GGNBP2: variants seen among roughly 807,000 people sequenced by gnomAD.
GGNBP2 encodes gametogenetin binding protein 2.
A neutral mutation model predicts 85.9 loss-of-function variants in GGNBP2; 10 were observed. That is an observed-to-expected ratio of 0.12 (90% CI 0.07 to 0.20). The LOEUF is 0.20. GGNBP2 is among the 10% of genes least tolerant of loss of function. GGNBP2 has a pLI of 1.00. For synonymous variants in GGNBP2, 287 were observed against 285.7 expected (o/e 1.00, Z -0.05); for missense variants, 595 against 857.8 (o/e 0.69, Z 3.83).
chr17:36,557,537 A>G (rs1032564118), intron 4 of GGNBP2, among the ~76,000 whole-genome samples: 3 of 152,150 alleles, frequency 2.0e-5, no homozygotes, highest in Non-Finnish European at 2.9e-5. Context: ...TTTGTCAGGG[A>G]TGATAAGTTA....
intron 6 of GGNBP2, among the ~76,000 whole-genome samples, chr17:36,568,878 C>T (rs1217828822): frequency 6.6e-6 from 1 of 151,978 alleles, no homozygotes; most frequent in Non-Finnish European, 1.5e-5. Flanking sequence ...GCCTCACCCT[C>T]CCAAGTAGCT....
chr17:36,577,092 CAAAG>C (rs2074598935), intron 6 of GGNBP2: 1 of 152,144 alleles, frequency 6.6e-6, no homozygotes, highest in African/African-American at 2.4e-5. Flanking sequence ...GAATTTAAAT[CAAAG>C]AGATCAAAAT....
chr17:36,585,334 C>T lies in GGNBP2; in HGVS notation c.1250C>T (p.Ala417Val). Residue 417 changes from alanine (A) to valine (V), a missense_variant, in exon 10 of 14, where the codon GCC becomes GTC. Ala to Val is a moderately conservative substitution (Grantham distance 64, BLOSUM62 0). Transcript: ENST00000613102. ...TTCATAGAAAATAGCAGCTGCAAAGCCTGTGGCAGCACTGAAGATGGTAAT... is the reference window on the plus strand; with the variant it reads ...TTCATAGAAAATAGCAGCTGCAAAGTCTGTGGCAGCACTGAAGATGGTAAT... ...TDFIENSSCKACGSTEDGNTC... is the reference protein window; with the variant it reads ...TDFIENSSCKVCGSTEDGNTC... 1.2e-6 allele frequency: 2 copies of T among 1,612,138 alleles called. No homozygotes were observed. Among genetic ancestry groups the T allele is most frequent in the Non-Finnish European group, 1.7e-6 (2 of 1,179,174 alleles).
rs372125770 is a variant in GGNBP2 at position 36,585,426 on chromosome 17, T to C, written c.1342T>C (p.Leu448=). 3.7e-6 allele frequency: 6 copies of C among 1,604,234 alleles called. No individual in the cohort carries two copies. The highest frequency in any genetic ancestry group is 5.1e-6 in the Non-Finnish European group (6 of 1,176,038). The change falls in exon 10 of 14, where the codon TTG becomes CTG. Residue 448 remains leucine, a synonymous_variant. Transcript: ENST00000613102. ...SCTCPSSGNL[L]GSPKIKKGLS... ...TACCTGTCCTAGCAGTGGCAATCTT[T>C]TGGGGTCCCCTAAAATAAAGAAAGG...
chr17:36,588,783 T>G (rs556785265), intron 13 of GGNBP2, among the ~76,000 whole-genome samples: 17 of 152,252 alleles, frequency 1.1e-4, no homozygotes, highest in African/African-American at 3.9e-4. Flanking sequence ...TTTAAAAGTT[T>G]TAATGGTTGT....
chr17:36,548,909 C>T (rs1485185817), intron 2 of GGNBP2, among the ~76,000 whole-genome samples: 1 of 151,896 alleles, frequency 6.6e-6, no homozygotes, highest in Non-Finnish European at 1.5e-5. Context: ...TGCGCCACTG[C>T]ACTCCAGCCT....
In GGNBP2 at chr17:36,589,583, TTG is replaced by T. The variant is rs2074738555; in HGVS notation, c.*176_*177del. The T allele has an allele frequency of 1.6e-6, 1 of 606,700 alleles. No individual in the cohort carries two copies. Among genetic ancestry groups the T allele is most frequent in the South Asian group, 2.1e-5 (1 of 48,768 alleles). 37.6% of individuals were successfully genotyped at this position (606,700 alleles called of 1,614,324 possible). The stretch of plus-strand genomic sequence containing the variant: ...ATCCTCATTAGTTCTTTCTTCAGGC[TTG>T]TGTCTTTAGTTGCGTGGCTGCGCAG... On this transcript the variant is annotated 3_prime_UTR_variant, in exon 14 of 14. Coordinates refer to ENST00000613102, the MANE Select transcript of GGNBP2 (RefSeq NM_024835.5).
intron 4 of GGNBP2, among the ~76,000 whole-genome samples, chr17:36,559,868 A>C (rs2074400199): frequency 6.6e-6 from 1 of 151,902 alleles, no homozygotes; most frequent in Admixed American, 6.6e-5. Flanking sequence ...ACAAAGTCTC[A>C]CTCTGTCTCA....
In GGNBP2 at chr17:36,545,822, GCGGGC is replaced by G; in HGVS notation, c.93+16_93+20del. ...TACATAGACGACACCCTGACGGTGA[GCGGGC>G]CGGGCCGGGCTGGGCCCGCCGCTCC... On this transcript the variant is annotated splice_donor_region_variant and intron_variant, in intron 2 of 13. Coordinates refer to ENST00000613102, the MANE Select transcript of GGNBP2 (RefSeq NM_024835.5). 1 of 1,545,536 alleles carries G rather than the reference GCGGGC, an allele frequency of 6.5e-7. No homozygotes were observed. Among genetic ancestry groups the G allele is most frequent in the Non-Finnish European group, 8.7e-7 (1 of 1,142,984 alleles).
rs1197461829 is a variant in GGNBP2 at position 36,587,156 on chromosome 17, A to G, written c.1801A>G (p.Arg601Gly). ...GCAGCCATTGCCTTGGTTTGAGCAT[A>G]GGAAAAATGTACCACAGTTTGCAGA... ...GGQPLPWFEH[R>G]KNVPQFAEPT... The change falls in exon 13 of 14, where the codon AGG becomes GGG. Residue 601 changes from arginine to glycine, a missense_variant. By Grantham distance (125) the Arg-to-Gly change is moderately radical. Transcript: ENST00000613102. 4 of 1,614,146 alleles carry G rather than the reference A, an allele frequency of 2.5e-6. No individual in the cohort carries two copies. Among genetic ancestry groups the G allele is most frequent in the Non-Finnish European group, 3.4e-6 (4 of 1,180,022 alleles).
intron 2 of GGNBP2, among the ~76,000 whole-genome samples, chr17:36,550,077 A>G (rs2074294482): frequency 6.6e-6 from 1 of 151,948 alleles, no homozygotes; most frequent in African/African-American, 2.4e-5. Context: ...AGCTGGGATT[A>G]CAGGCGCCCG....
intron 7 of GGNBP2, chr17:36,578,621 T>G (rs936304473): frequency 6.3e-6 from 1 of 159,242 alleles, no homozygotes; most frequent in African/African-American, 2.4e-5. Context: ...TATTATATTA[T>G]TATTACTACA....
chr17:36,563,207 A>G (rs2074436834), intron 5 of GGNBP2, among the ~76,000 whole-genome samples: 1 of 152,096 alleles, frequency 6.6e-6, no homozygotes, highest in Admixed American at 6.5e-5. Context: ...CAGAGGTTGC[A>G]TTGAGCCAAG....
intron 5 of GGNBP2, among the ~76,000 whole-genome samples, chr17:36,567,443 G>A (rs776818254): frequency 3.3e-5 from 5 of 152,020 alleles, no homozygotes; most frequent in Admixed American, 2.0e-4. Context: ...ACTATACTAC[G>A]GTGAAGGGAG....
At chr17:36,582,007 G>A (rs12949068) in intron 9 of GGNBP2, 57,839 of 151,760 alleles carry the variant, frequency 0.38, 11,460 homozygotes, top group Middle Eastern at 0.47. Context: ...CTTCCCAAGT[G>A]GCTGGAACTA....
At chr17:36,557,411 C>G in intron 4 of GGNBP2, 75 bp downstream of exon 4, 1 of 1,234,142 alleles carries the variant, frequency 8.1e-7, no homozygotes, top group East Asian at 2.3e-5. Flanking sequence ...AGCTTATTTT[C>G]TTGATGGAAA....
chr17:36,556,751 C>CTTTTTTTT (rs10544073), intron 3 of GGNBP2, among the ~76,000 whole-genome samples: 3 of 52,854 alleles, frequency 5.7e-5, no homozygotes, highest in African/African-American at 1.3e-4. Flanking sequence ...CTGTATTGTG[C>CTTTTTTTT]TTTTTTTTTT....
At chr17:36,574,884 C>G (rs1049257103) in intron 6 of GGNBP2, 37 of 746,854 alleles carry the variant, frequency 5.0e-5, no homozygotes, top group Non-Finnish European at 8.2e-5. Context: ...ATGATGGCCC[C>G]GTGGATGGCA....
chr17:36,582,678 T>A (rs1386656797), intron 9 of GGNBP2, among the ~76,000 whole-genome samples: 1 of 152,238 alleles, frequency 6.6e-6, no homozygotes, highest in Non-Finnish European at 1.5e-5. Context: ...TAATGTCATG[T>A]CTATGTTTTA....
Sources: gnomAD v4.1 joint callset for allele counts (sites outside exome capture counted in the v4.1 genomes callset) on GRCh38, gnomAD v4.1.1 for gene constraint, MANE v1.5 for transcripts, NCBI Gene and HGNC (gene_info 2026-07-23, HGNC 2026-07-21) for gene names.